TMEM132D: variants seen among roughly 807,000 people sequenced by gnomAD.
TMEM132D encodes the protein transmembrane protein 132D.
A neutral mutation model predicts 62.3 loss-of-function variants in TMEM132D; 21 were observed. That is an observed-to-expected ratio of 0.34 (90% CI 0.24 to 0.49). TMEM132D has a LOEUF of 0.49. Ranked by LOEUF, TMEM132D falls within the 20% of genes least tolerant of loss-of-function variation. TMEM132D has a pLI of 0.99. For synonymous variants in TMEM132D, 621 were observed against 575.6 expected (o/e 1.08, Z -1.13); for missense variants, 1,346 against 1,402.8 (o/e 0.96, Z 0.65).
At chr12:129,772,782 T>G (rs938564782) in intron 1 of TMEM132D, among the ~76,000 whole-genome samples, 2 of 152,214 alleles carry the variant, frequency 1.3e-5, no homozygotes, top group Non-Finnish European at 2.9e-5. Flanking sequence ...CTGCTTTGCC[T>G]CCATTTTCAA....
rs1870602728 is a variant in TMEM132D at position 129,371,588 on chromosome 12, A to C, written c.1116-33771T>G. On this transcript the variant is annotated intron_variant, in intron 3 of 8. Transcript: ENST00000422113. The surrounding 1 kb of genome is among the most constrained non-coding windows in gnomAD (Gnocchi z 4.3). ...ATGGTGACAATGATGTGATGATAGT[A>C]ACAATGATCATGGCAGATTGTGGTG... Among the ~76,000 whole-genome samples the C allele has an allele frequency of 6.6e-6, 1 of 150,724 alleles. No individual in the cohort carries two copies. The highest frequency in any genetic ancestry group is 2.4e-5 in the African/African-American group (1 of 40,904).
At chr12:129,732,513 T>C (rs565430766) in intron 1 of TMEM132D, among the ~76,000 whole-genome samples, 4 of 152,230 alleles carry the variant, frequency 2.6e-5, no homozygotes, top group East Asian at 3.9e-4. Context: ...AGAGTAAAGT[T>C]AAATGGCCAG....
intron 3 of TMEM132D, among the ~76,000 whole-genome samples, chr12:129,526,018 T>C (rs1313062779): frequency 6.6e-6 from 1 of 152,208 alleles, no homozygotes; most frequent in African/African-American, 2.4e-5. Context: ...TTGTTTCATT[T>C]AGTGGATAAC....
At chr12:129,139,546 T>A (rs1322279327) in intron 5 of TMEM132D, among the ~76,000 whole-genome samples, 1 of 152,122 alleles carries the variant, frequency 6.6e-6, no homozygotes, top group East Asian at 1.9e-4. Context: ...TGGCCACTAA[T>A]AGAAAACACC....
intron 4 of TMEM132D, among the ~76,000 whole-genome samples, chr12:129,292,815 C>T (rs1443754091): frequency 6.6e-6 from 1 of 152,080 alleles, no homozygotes; most frequent in African/African-American, 2.4e-5. Flanking sequence ...AGAGAAAGAC[C>T]TTTTCTTGGC....
chr12:129,880,388 T>C (rs1160077166), intron 1 of TMEM132D, among the ~76,000 whole-genome samples: 1 of 152,202 alleles, frequency 6.6e-6, no homozygotes, highest in Non-Finnish European at 1.5e-5. Context: ...AGAAAGACTG[T>C]GTTACAGGCA....
At chr12:129,541,780 T>C (rs778349404) in intron 2 of TMEM132D, among the ~76,000 whole-genome samples, 2 of 152,202 alleles carry the variant, frequency 1.3e-5, no homozygotes, top group Non-Finnish European at 2.9e-5. Context: ...CTAAGCCATG[T>C]CGAGTCCTTA....
At chr12:129,709,672 G>GT (rs1460824676) in intron 1 of TMEM132D, among the ~76,000 whole-genome samples, 3 of 152,134 alleles carry the variant, frequency 2.0e-5, no homozygotes, top group African/African-American at 4.8e-5. Flanking sequence ...TTTAATGCAT[G>GT]TTTTTTTGTT....
intron 1 of TMEM132D, among the ~76,000 whole-genome samples, chr12:129,807,053 A>G (rs111417490): frequency 1.2e-4 from 18 of 152,314 alleles, no homozygotes; most frequent in African/African-American, 3.1e-4. Flanking sequence ...ATGAATGAAT[A>G]AATAAATGAA....
At chr12:129,082,814 C>T (rs1015006657) in intron 6 of TMEM132D, among the ~76,000 whole-genome samples, 16 of 152,204 alleles carry the variant, frequency 1.1e-4, no homozygotes, top group African/African-American at 2.7e-4. Context: ...ACTGCAGCCT[C>T]GAACTGCTGG....
At chr12:129,607,071 C>CTT (rs34733158) in intron 2 of TMEM132D, among the ~76,000 whole-genome samples, 1,525 of 143,064 alleles carry the variant, frequency 0.011, 13 homozygotes, top group South Asian at 0.015. Context: ...TTCTTTCTTT[C>CTT]TTTTTTTTTT....
rs1281792811 is a variant in TMEM132D at position 129,649,862 on chromosome 12, A to ATGTGTGTGCATGTG, written c.968+49947_968+49948insCACATGCACACACA. 3.9e-4 allele frequency among the ~76,000 whole-genome samples: 43 copies of ATGTGTGTGCATGTG among 110,404 alleles called. 1 individual carries two copies. In the East Asian group the frequency reaches 6.0e-3, roughly 15 times the overall value. The allele number at this position is 110,404 out of a possible 152,430, so 72.4% of individuals were successfully genotyped here. ...TGTATTTGTATGTTTGTATATGTGT[A>ATGTGTGTGCATGTG]TGTATGTGTGTGCATGTGTGTATAT... On this transcript the variant is annotated intron_variant, in intron 2 of 8. Coordinates refer to ENST00000422113, the MANE Select transcript of TMEM132D (RefSeq NM_133448.3).
At chr12:129,583,812 G>A (rs1195807020) in intron 2 of TMEM132D, among the ~76,000 whole-genome samples, 8 of 152,170 alleles carry the variant, frequency 5.3e-5, no homozygotes, top group Non-Finnish European at 1.2e-4. Flanking sequence ...CAGCTTCATA[G>A]GCTGTTCACC....
chr12:129,306,906 G>A (rs1175972077), intron 4 of TMEM132D, among the ~76,000 whole-genome samples: 2 of 152,194 alleles, frequency 1.3e-5, no homozygotes, highest in Non-Finnish European at 2.9e-5. Context: ...ACTGGCCAAG[G>A]AAAAGCGGGA....
chr12:129,822,729 C>T (rs561357533), intron 1 of TMEM132D, among the ~76,000 whole-genome samples: 3 of 152,136 alleles, frequency 2.0e-5, no homozygotes, highest in South Asian at 4.1e-4. Context: ...GAGTGCCGAG[C>T]GAAGGGGGAA....
intron 5 of TMEM132D, among the ~76,000 whole-genome samples, chr12:129,113,880 C>A (rs1255045362): frequency 6.6e-6 from 1 of 151,804 alleles, no homozygotes; most frequent in Non-Finnish European, 1.5e-5. Flanking sequence ...CCACTTGCAG[C>A]AAGAGTTTCC....
chr12:129,648,711 G>A (rs1879849928), intron 2 of TMEM132D, among the ~76,000 whole-genome samples: 1 of 152,206 alleles, frequency 6.6e-6, no homozygotes, highest in East Asian at 1.9e-4. Context: ...AATCACCAAA[G>A]TGGTGCCTAA....
At chr12:129,822,287 TG>T (rs1346576642) in intron 1 of TMEM132D, among the ~76,000 whole-genome samples, 6 of 152,108 alleles carry the variant, frequency 3.9e-5, no homozygotes. Flanking sequence ...TCAGGTTGGC[TG>T]TCTCACTGGA....
chr12:129,447,565 G>C (rs1304371469), intron 3 of TMEM132D, among the ~76,000 whole-genome samples: 7 of 152,120 alleles, frequency 4.6e-5, no homozygotes, highest in Non-Finnish European at 8.8e-5. Context: ...CATCTTGTAT[G>C]GAACAAAGCC....
Sources: allele counts gnomAD v4.1 joint callset (sites outside exome capture counted in the v4.1 genomes callset), GRCh38; gene constraint gnomAD v4.1.1; non-coding constraint Gnocchi (gnomAD v3.1); transcripts MANE v1.5; gene names NCBI Gene and HGNC (gene_info 2026-07-23, HGNC 2026-07-21).